ZCWPW1: variants seen among roughly 807,000 people sequenced by gnomAD.
ZCWPW1 encodes zinc finger CW-type and PWWP domain containing 1, also known as zinc finger CW-type PWWP domain protein 1.
In ZCWPW1, 56 loss-of-function variants were observed where a neutral mutation model predicts 81.3. That is an observed-to-expected ratio of 0.69 (90% CI 0.56 to 0.86). The LOEUF (loss-of-function observed/expected upper bound fraction) is 0.86, where lower values mean the gene tolerates loss of function less well. Ranked by LOEUF, ZCWPW1 falls within the 40% of genes least tolerant of loss-of-function variation. ZCWPW1 has a pLI of 0.00. For synonymous variants in ZCWPW1, 250 were observed against 273.7 expected (o/e 0.91, Z 0.86); for missense variants, 650 against 769.8 (o/e 0.84, Z 1.84).
At chr7:100,423,953 C>G (rs1011402594) in intron 2 of ZCWPW1, among the ~76,000 whole-genome samples, 1 of 151,696 alleles carries the variant, frequency 6.6e-6, no homozygotes, top group Admixed American at 6.6e-5. Flanking sequence ...GCCTGTAATC[C>G]CAGCTACTCA....
intron 1 of ZCWPW1, among the ~76,000 whole-genome samples, chr7:100,428,062 G>T (rs2130962954): frequency 6.6e-6 from 1 of 152,190 alleles, no homozygotes; most frequent in South Asian, 2.1e-4. Flanking sequence ...GCGAAGGGCT[G>T]GTTGTCGCCC....
At chr7:100,415,287 T>C (rs555007848) in intron 8 of ZCWPW1, among the ~76,000 whole-genome samples, 11 of 151,968 alleles carry the variant, frequency 7.2e-5, no homozygotes, top group African/African-American at 2.2e-4. Flanking sequence ...TTCACCATAT[T>C]GGTCAGGCTG....
chr7:100,419,297 A>G, intron 4 of ZCWPW1, 108 bp from the exon 5 acceptor site: 1 of 945,114 alleles, frequency 1.1e-6, no homozygotes, highest in Non-Finnish European at 1.6e-6. Flanking sequence ...TATAAGACGG[A>G]AGGCATGCAG....
chr7:100,410,343 C>G (rs547938492), intron 8 of ZCWPW1, among the ~76,000 whole-genome samples: 1 of 152,258 alleles, frequency 6.6e-6, no homozygotes, highest in South Asian at 2.1e-4. Flanking sequence ...GACACTGCCC[C>G]ACCTAAACCA....
Position 100,405,819 on chromosome 7 carries a change from G to A in ZCWPW1, c.1174-726C>T, listed in dbSNP as rs555948273. Among the ~76,000 whole-genome samples, 5 of 152,250 alleles carry A rather than the reference G, an allele frequency of 3.3e-5. No homozygotes were observed. In the East Asian group the frequency reaches 7.7e-4, roughly 24 times the overall value. Reference sequence around the variant, plus strand: ...TTTTTTGTATTTTAGTAGAGACGGGGTTTCACCATGTTGCCAGGTGGTCTC... The same window carrying A: ...TTTTTTGTATTTTAGTAGAGACGGGATTTCACCATGTTGCCAGGTGGTCTC... On this transcript the variant is annotated intron_variant, in intron 12 of 17. Coordinates refer to ENST00000684423, the MANE Select transcript of ZCWPW1 (RefSeq NM_001386010.1).
intron 8 of ZCWPW1, among the ~76,000 whole-genome samples, chr7:100,414,529 C>A (rs1018715101): frequency 2.6e-5 from 4 of 152,126 alleles, no homozygotes; most frequent in Admixed American, 1.3e-4. Flanking sequence ...GATCCTCCCA[C>A]CTCAGCCTCT....
chr7:100,403,746 A>G lies in ZCWPW1; in HGVS notation c.1361T>C (p.Leu454Ser). 6.2e-7 allele frequency: 1 copy of G among 1,613,866 alleles called. No homozygotes were observed. Among genetic ancestry groups the G allele is most frequent in the East Asian group, 2.2e-5 (1 of 44,828 alleles). Reference sequence around the variant, plus strand: ...CTCTTCCTCTTTCTCCTTTTTCTCTAAGCAGGATCCTGGGCTGTTCAAACC... The same window carrying G: ...CTCTTCCTCTTTCTCCTTTTTCTCTGAGCAGGATCCTGGGCTGTTCAAACC... ...LSGLNSPGSCLEKKEKEEELE... is the reference protein window; with the variant it reads ...LSGLNSPGSCSEKKEKEEELE... Residue 454 changes from leucine (L) to serine (S), a missense_variant, in exon 15 of 18, where the codon TTA becomes TCA. Leu to Ser is a moderately radical substitution (Grantham distance 145). Coordinates refer to ENST00000684423, the MANE Select transcript of ZCWPW1 (RefSeq NM_001386010.1).
At chr7:100,426,670 TCCTCCCTCTTC>T (rs1235838505) in intron 1 of ZCWPW1, among the ~76,000 whole-genome samples, 2 of 133,322 alleles carry the variant, frequency 1.5e-5, no homozygotes, top group African/African-American at 2.8e-5. Flanking sequence ...CTTTACTCCT[TCCTCCCTCTTC>T]CCTCCCTCTC....
At chr7:100,416,249 A>C (rs1328264254) in intron 7 of ZCWPW1, 56 bp downstream of exon 7, 2 of 1,600,156 alleles carry the variant, frequency 1.2e-6, no homozygotes, top group Non-Finnish European at 1.7e-6. Flanking sequence ...CCCATTCCCT[A>C]ATTTCCTGGA....
chr7:100,417,275 T>C (rs954702705), intron 5 of ZCWPW1, 92 bp from the exon 6 acceptor site: 1 of 950,240 alleles, frequency 1.1e-6, no homozygotes, highest in Non-Finnish European at 1.6e-6. Context: ...GTCTTCTCCC[T>C]GTAGCCTGAA....
intron 1 of ZCWPW1, among the ~76,000 whole-genome samples, chr7:100,426,766 TCCTTGCCCTCCTC>T (rs889478599): frequency 2.1e-5 from 2 of 94,258 alleles, no homozygotes; most frequent in Admixed American, 1.3e-4. Context: ...TCCCCCTCCT[TCCTTGCCCTCCTC>T]CCTTTCTCTC....
intron 1 of ZCWPW1, 82 bp downstream of exon 1, chr7:100,428,486 T>C (rs1456185184): frequency 6.7e-6 from 1 of 150,074 alleles, no homozygotes; most frequent in Non-Finnish European, 1.5e-5. Context: ...ATCTACTAAC[T>C]TTTCTGTTTC....
intron 3 of ZCWPW1, among the ~76,000 whole-genome samples, chr7:100,420,394 C>A (rs1025406986): frequency 6.6e-6 from 1 of 152,196 alleles, no homozygotes; most frequent in Non-Finnish European, 1.5e-5. Flanking sequence ...CCACATTCAA[C>A]TTTATGATAG....
Position 100,410,781 on chromosome 7 carries a change from T to A in ZCWPW1, c.755-1237A>T, listed in dbSNP as rs200849085. ...ATGCCCCGTCTTCCACCTCACTTGC[T>A]CAAAGACTCCTATAGCAACTTTCAT... On this transcript the variant is annotated intron_variant, in intron 8 of 17. Transcript: ENST00000684423. Among the ~76,000 whole-genome samples, 14 of 152,332 alleles carry A rather than the reference T, an allele frequency of 9.2e-5. No homozygotes were observed. In the East Asian group the frequency reaches 1.9e-3, roughly 21 times the overall value.
At chr7:100,416,236 G>C in intron 7 of ZCWPW1, 69 bp downstream of exon 7, 1 of 1,594,760 alleles carries the variant, frequency 6.3e-7, no homozygotes. Context: ...GCCTGCCCAT[G>C]GTCCCATTCC....
intron 2 of ZCWPW1, among the ~76,000 whole-genome samples, chr7:100,422,323 T>C (rs916069260): frequency 6.6e-6 from 1 of 152,190 alleles, no homozygotes; most frequent in East Asian, 1.9e-4. Flanking sequence ...CATACATTAA[T>C]AGCGTATACT....
chr7:100,408,765 G>A, intron 9 of ZCWPW1, 106 bp from the exon 10 acceptor site: 3 of 1,414,456 alleles, frequency 2.1e-6, no homozygotes, highest in Non-Finnish European at 2.8e-6. Flanking sequence ...TATGCAGCAG[G>A]TGGGACCAAA....
intron 8 of ZCWPW1, among the ~76,000 whole-genome samples, chr7:100,409,756 T>G (rs1309246532): frequency 6.6e-6 from 1 of 152,184 alleles, no homozygotes; most frequent in East Asian, 1.9e-4. Flanking sequence ...GCGATAGAGC[T>G]GAACTTAGAA....
intron 8 of ZCWPW1, among the ~76,000 whole-genome samples, chr7:100,415,242 C>T (rs1486757653): frequency 6.6e-6 from 1 of 151,620 alleles, no homozygotes; most frequent in Non-Finnish European, 1.5e-5. Flanking sequence ...GCCACCATAC[C>T]CAGCTAATTT....
Sources: allele counts gnomAD v4.1 joint callset (sites outside exome capture counted in the v4.1 genomes callset), GRCh38; gene constraint gnomAD v4.1.1; transcripts MANE v1.5; gene names NCBI Gene and HGNC (gene_info 2026-07-23, HGNC 2026-07-21).